The following TOR1AIP2 variants were observed in gnomAD, a reference collection of about 807,000 sequenced individuals.
TOR1AIP2 encodes the protein torsin-1A-interacting protein 2.
A neutral mutation model predicts 32.6 loss-of-function variants in TOR1AIP2; 20 were observed. The observed-to-expected ratio is 0.61, with a 90% confidence interval of 0.43 to 0.89. The LOEUF is 0.89. Ranked by LOEUF, TOR1AIP2 falls within the 40% of genes least tolerant of loss-of-function variation. The pLI, the probability that TOR1AIP2 is intolerant of heterozygous loss-of-function variation, is 0.00. For missense variants in TOR1AIP2, 456 were observed against 553.8 expected (o/e 0.82, Z 1.77); for synonymous variants, 214 against 210.8 (o/e 1.02, Z -0.13).
chr1:179,876,472 G>C (rs16854861), intron 2 of TOR1AIP2, among the ~76,000 whole-genome samples: 3,280 of 152,294 alleles, frequency 0.022, 137 homozygotes, highest in African/African-American at 0.075. Flanking sequence ...TGCACGTTCA[G>C]CATAATAAAC....
At chr1:179,876,767 A>G (rs989996891) in intron 2 of TOR1AIP2, among the ~76,000 whole-genome samples, 1 of 152,228 alleles carries the variant, frequency 6.6e-6, no homozygotes, top group African/African-American at 2.4e-5. Context: ...CAGTATGTTT[A>G]ATCTATGTAA....
At chr1:179,859,416 C>G in intron 3 of TOR1AIP2, 1 of 985,352 alleles carries the variant, frequency 1.0e-6, no homozygotes, top group Non-Finnish European at 1.2e-6. Flanking sequence ...AGCTGTGGGA[C>G]CTAACCATGA....
chr1:179,864,138 C>T, intron 3 of TOR1AIP2: 1 of 985,404 alleles, frequency 1.0e-6, no homozygotes. Context: ...TCTGCATAAC[C>T]TATATAGGTG....
At position 179,840,900 on chromosome 1, in the gene TOR1AIP2, T is replaced by TAATAATAATAATAAC. The variant is rs1389856002; in HGVS notation, c.*5170_*5171insGTTATTATTATTATT. 4 of 149,094 alleles carry TAATAATAATAATAAC rather than the reference T, an allele frequency of 2.7e-5. No individual in the cohort carries two copies. Among genetic ancestry groups the TAATAATAATAATAAC allele is most frequent in the African/African-American group, 9.8e-5 (4 of 40,698 alleles). 9.2% of individuals were successfully genotyped at this position (149,094 alleles called of 1,614,324 possible). A position where few individuals can be genotyped will look rare whatever the true frequency, so the allele number is the denominator to read the frequency against. On this transcript the variant is annotated 3_prime_UTR_variant, in exon 7 of 7. Transcript: ENST00000609928. The stretch of plus-strand genomic sequence containing the variant: ...CCCAGAACTTAAACTATAATAATAA[T>TAATAATAATAATAAC]AATAATAATAATAATAAAGAAGTTA...
chr1:179,863,595 G>A (rs755951208), intron 3 of TOR1AIP2: 68 of 982,422 alleles, frequency 6.9e-5, no homozygotes, highest in African/African-American at 8.8e-5. Flanking sequence ...TTGGGAGACC[G>A]AGGTGGGAGG....
intron 4 of TOR1AIP2, among the ~76,000 whole-genome samples, chr1:179,852,109 G>A (rs754484616): frequency 7.2e-5 from 11 of 152,098 alleles, no homozygotes; most frequent in South Asian, 4.1e-4. Context: ...GTGAAACCCC[G>A]TCTCTACTAA....
chr1:179,848,025 TC>T (rs1249891462), intron 5 of TOR1AIP2, among the ~76,000 whole-genome samples: 1 of 130,524 alleles, frequency 7.7e-6, no homozygotes, highest in African/African-American at 3.0e-5. Context: ...AGAGCAAGAC[TC>T]CATCTCAGAA....
At chr1:179,859,280 T>C in intron 3 of TOR1AIP2, 1 of 830,394 alleles carries the variant, frequency 1.2e-6, no homozygotes, top group Non-Finnish European at 1.5e-6. Flanking sequence ...AACAATCTTA[T>C]GAGGTGTAGA....
At chr1:179,852,870 G>GT in intron 3 of TOR1AIP2, 59 bp from the exon 4 acceptor site, 6 of 1,192,652 alleles carry the variant, frequency 5.0e-6, no homozygotes, top group Non-Finnish European at 6.4e-6. Flanking sequence ...AGAAATGCAA[G>GT]TATCAGCTTT....
intron 3 of TOR1AIP2, chr1:179,859,867 G>A: frequency 1.0e-6 from 1 of 980,434 alleles, no homozygotes; most frequent in Non-Finnish European, 1.2e-6. Context: ...TTACTCTGTT[G>A]CCCAGGCTGG....
intron 2 of TOR1AIP2, among the ~76,000 whole-genome samples, chr1:179,869,478 T>C (rs1696929273): frequency 6.6e-6 from 1 of 152,212 alleles, no homozygotes; most frequent in South Asian, 2.1e-4. Flanking sequence ...GCATCTCTAT[T>C]CAATATTTTA....
At chr1:179,876,821 G>A (rs1273988524) in intron 2 of TOR1AIP2, among the ~76,000 whole-genome samples, 2 of 152,118 alleles carry the variant, frequency 1.3e-5, no homozygotes, top group Admixed American at 6.5e-5. Context: ...TGATAATTAA[G>A]CATTACTCAT....
Position 179,846,080 on chromosome 1 carries a change from G to C in TOR1AIP2, c.1404C>G (p.Cys468Trp). The change falls in exon 7 of 7, where the codon TGC becomes TGG. Residue 468 changes from cysteine (C) to tryptophan (W), a missense_variant. Physicochemically the swap from Cys to Trp is radical, Grantham distance 215 (BLOSUM62 -2). Coordinates refer to ENST00000609928, the MANE Select transcript of TOR1AIP2 (RefSeq NM_001199260.2). ...AACTCTGTGCTTAGCTTTAGAAAAG[G>C]CACCCCTGTTCTTCTATGCTACTCA... ...QPVSSIEEQG[C>W]LF is the part of the protein sequence containing the mutation. 6.2e-7 allele frequency: 1 copy of C among 1,612,814 alleles called. No individual in the cohort carries two copies. Among genetic ancestry groups the C allele is most frequent in the Non-Finnish European group, 8.5e-7 (1 of 1,179,044 alleles).
chr1:179,864,036 A>G, intron 3 of TOR1AIP2: 1 of 985,400 alleles, frequency 1.0e-6, no homozygotes, highest in Non-Finnish European at 1.2e-6. Flanking sequence ...TTTCCAGGGG[A>G]GGACGTTGTA....
chr1:179,858,584 T>TA lies in TOR1AIP2; in HGVS notation c.-146-5774dup, dbSNP rs1482208709. On this transcript the variant is annotated intron_variant, in intron 3 of 6. Transcript: ENST00000609928. ...GAGTAATAAAATAAATCAGTCTCTGTAAAAAAAAATTAAGTATCAAAAGGA... is the reference window on the plus strand; with the variant it reads ...GAGTAATAAAATAAATCAGTCTCTGTAAAAAAAAAATTAAGTATCAAAAGGA... Among the ~76,000 whole-genome samples the TA allele has an allele frequency of 2.6e-4, 39 of 151,492 alleles. 1 individual carries two copies. Among genetic ancestry groups the TA allele is most frequent in the Non-Finnish European group, 4.9e-4 (33 of 67,842 alleles).
At chr1:179,853,336 G>C (rs1347017982) in intron 3 of TOR1AIP2, among the ~76,000 whole-genome samples, 3 of 152,156 alleles carry the variant, frequency 2.0e-5, no homozygotes, top group African/African-American at 7.2e-5. Context: ...TTTTCTCGAA[G>C]TATTCTTTTG....
rs888474309 is a variant in TOR1AIP2, at chr1:179,840,200, G to T, written c.*5871C>A. On this transcript the variant is annotated 3_prime_UTR_variant, in exon 7 of 7. Transcript: ENST00000609928. ...GTGCTGTTTCTTTTATGACAGGAAA[G>T]GCAAATAGATTTAAATTTCCTGTGC... is the stretch of plus-strand genomic sequence containing the variant. 6.6e-6 allele frequency: 1 copy of T among 152,214 alleles called. No homozygotes were observed. The highest frequency in any genetic ancestry group is 2.4e-5 in the African/African-American group (1 of 41,446). The allele number at this position is 152,214 out of a possible 1,614,324, so 9.4% of individuals were successfully genotyped here. A position where few individuals can be genotyped will look rare whatever the true frequency, so the allele number is the denominator to read the frequency against.
rs1335169350 is a variant in TOR1AIP2, at chr1:179,843,879, C to T, written c.*2192G>A. 4 of 150,850 alleles carry T rather than the reference C, an allele frequency of 2.7e-5. No individual in the cohort carries two copies. Among genetic ancestry groups the T allele is most frequent in the African/African-American group, 9.7e-5 (4 of 41,058 alleles). 9.3% of individuals were successfully genotyped at this position (150,850 alleles called of 1,614,324 possible). A position where few individuals can be genotyped will look rare whatever the true frequency, so the allele number is the denominator to read the frequency against. ...TAGCAGACAGAAAACTGACAACACC[C>T]TCAATTGATTGCACTATACATGGAA... On this transcript the variant is annotated 3_prime_UTR_variant, in exon 7 of 7. Transcript: ENST00000609928.
chr1:179,862,131 G>A, intron 3 of TOR1AIP2: 1 of 984,762 alleles, frequency 1.0e-6, no homozygotes, highest in Non-Finnish European at 1.2e-6. Context: ...ATTGATTTGA[G>A]AAATCAATGA....
Sources: allele counts gnomAD v4.1 joint callset (sites outside exome capture counted in the v4.1 genomes callset), GRCh38; gene constraint gnomAD v4.1.1; transcripts MANE v1.5; gene names NCBI Gene and HGNC (gene_info 2026-07-23, HGNC 2026-07-21).